Variants in COX15 observed in about 807,000 individuals in gnomAD.
The protein encoded by COX15 is heme A synthase COX15.
Under a neutral mutation model 51.9 loss-of-function variants are expected in COX15, and 51 were observed. The observed-to-expected ratio is 0.98, with a 90% CI of 0.78 to 1.24. The LOEUF (loss-of-function observed/expected upper bound fraction) is 1.24. Ranked by LOEUF, COX15 falls within the 50% of genes most tolerant of loss-of-function variation. The pLI is 0.00. For missense variants in COX15, 420 were observed against 501.1 expected (o/e 0.84, Z 1.55); for synonymous variants, 188 against 190.5 (o/e 0.99, Z 0.11).
rs912947764 is a variant in COX15 at position 99,714,202 on chromosome 10, G to A, written c.*385C>T. 1.9e-6 allele frequency: 2 copies of A among 1,076,472 alleles called. No individual in the cohort carries two copies. The highest frequency in any genetic ancestry group is 3.3e-5 in the African/African-American group (2 of 59,942). The allele number at this position is 1,076,472 out of a possible 1,614,324, so 66.7% of individuals were successfully genotyped here. A position where few individuals can be genotyped will look rare whatever the true frequency, so the allele number is the denominator to read the frequency against. ...CTTCACCTAATGGAAGTGAAGTTAA[G>A]ATCATAAAGAAATTCTATTTAGGCA... On this transcript the variant is annotated 3_prime_UTR_variant, in exon 9 of 9. Transcript: ENST00000016171.
chr10:99,719,226 C>CT lies in COX15; in HGVS notation c.833-727dup, dbSNP rs34624290. On this transcript the variant is annotated intron_variant, in intron 6 of 8. Coordinates refer to ENST00000016171, the MANE Select transcript of COX15 (RefSeq NM_078470.6). ...TTGGGTCACACTCGCTTTTTTCTTT[C>CT]TTTTTTTTTTTGAGACGCAGTCTGG... 1.4e-3 allele frequency among the ~76,000 whole-genome samples: 208 copies of CT among 146,782 alleles called. 1 individual carries two copies. Among genetic ancestry groups the CT allele is most frequent in the African/African-American group, 2.1e-3 (84 of 40,360 alleles).
At chr10:99,708,852 T>C, downstream of COX15, 1 of 985,440 alleles carries the variant, frequency 1.0e-6, no homozygotes. Flanking sequence ...TACAATGAAA[T>C]GCTCATTAAC....
At position 99,713,161 on chromosome 10, in the gene COX15, TTATCA is replaced by T. The variant is rs2036450648; in HGVS notation, c.*1421_*1425del. On this transcript the variant is annotated 3_prime_UTR_variant, in exon 9 of 9. Transcript: ENST00000016171. ...ACCTGAAGTACCACTAATTTTTCTG[TTATCA>T]TATAATAACAACATGAATACTACTT... 7.4e-7 allele frequency: 1 copy of T among 1,346,826 alleles called. No homozygotes were observed. The highest frequency in any genetic ancestry group is 9.6e-7 in the Non-Finnish European group (1 of 1,045,514). The allele number at this position is 1,346,826 out of a possible 1,614,324, so 83.4% of individuals were successfully genotyped here.
At chr10:99,715,392 G>A (rs185412540) in intron 8 of COX15, among the ~76,000 whole-genome samples, 1,588 of 152,216 alleles carry the variant, frequency 0.01, 23 homozygotes, top group African/African-American at 0.035. Context: ...GCCCACCTCG[G>A]CCTCCCAAAG....
At chr10:99,729,879 C>T in intron 1 of COX15, 145 bp from the exon 2 acceptor site, 1 of 837,196 alleles carries the variant, frequency 1.2e-6, no homozygotes, top group Non-Finnish European at 1.9e-6. Flanking sequence ...TGGATTACTG[C>T]ATCAGCCTTC....
In COX15 at chr10:99,729,720, C is replaced by T. The variant is rs2037077705; in HGVS notation, c.105G>A (p.Arg35=). 6.2e-7 allele frequency: 1 copy of T among 1,614,098 alleles called. No homozygotes were observed. The highest frequency in any genetic ancestry group is 8.5e-7 in the Non-Finnish European group (1 of 1,180,026). ...TGTATTGCCCTGGCCTCAAAGGGCGCCTGATGCAATCACACTAAAGATCAA... is the reference window on the plus strand; with the variant it reads ...TGTATTGCCCTGGCCTCAAAGGGCGTCTGATGCAATCACACTAAAGATCAA... ...AAPRAQCDCI[R]RPLRPGQYST... The change falls in exon 2 of 9, where the codon AGG becomes AGA. Residue 35 remains arginine (R), a synonymous_variant. Coordinates refer to ENST00000016171, the MANE Select transcript of COX15 (RefSeq NM_078470.6).
rs577362342 is a variant in COX15 at position 99,731,970 on chromosome 10, G to A, written c.80C>T (p.Pro27Leu). 10 of 1,611,126 alleles carry A rather than the reference G, an allele frequency of 6.2e-6. No homozygotes were observed. The highest frequency in any genetic ancestry group is 1.7e-5 in the Admixed American group (1 of 59,662). The change falls in exon 1 of 9, where the codon CCT becomes CTT. Residue 27 changes from proline to leucine, a missense_variant. By Grantham distance (98) the Pro-to-Leu change is moderately conservative. Coordinates refer to ENST00000016171, the MANE Select transcript of COX15 (RefSeq NM_078470.6). Reference sequence around the variant, plus strand: ...GCTGCAGTGCGGTACCTGTGCTCTAGGCGCTGCCCTAGGAGCCAGGAGCGG... The same window carrying A: ...GCTGCAGTGCGGTACCTGTGCTCTAAGCGCTGCCCTAGGAGCCAGGAGCGG... ...YLPLLAPRAA[P>L]RAQCDCIRRP...
At chr10:99,728,493 T>G (rs1329425626) in intron 2 of COX15, among the ~76,000 whole-genome samples, 1 of 152,234 alleles carries the variant, frequency 6.6e-6, no homozygotes, top group Non-Finnish European at 1.5e-5. Context: ...AAACTATACC[T>G]TGGGATATCC....
intron 7 of COX15, chr10:99,716,714 A>T: frequency 7.6e-6 from 3 of 396,856 alleles, no homozygotes; most frequent in African/African-American, 2.1e-5. Flanking sequence ...ATACACCCTC[A>T]CTCCCAGTGA....
At chr10:99,731,494 C>A (rs908240171) in intron 1 of COX15, among the ~76,000 whole-genome samples, 1 of 152,184 alleles carries the variant, frequency 6.6e-6, no homozygotes, top group African/African-American at 2.4e-5. Context: ...TCCAAAGATC[C>A]ATGCTCGGTT....
Position 99,714,487 on chromosome 10 carries a change from T to C in COX15, c.*100A>G. ...AGTAAGTTGACCATTTGGAAACCAC[T>C]TGGTATGTCAAGGTCATCTCGTAGA... On this transcript the variant is annotated 3_prime_UTR_variant, in exon 9 of 9. Coordinates refer to ENST00000016171, the MANE Select transcript of COX15 (RefSeq NM_078470.6). 6.3e-7 allele frequency: 1 copy of C among 1,594,920 alleles called. No individual in the cohort carries two copies. Among genetic ancestry groups the C allele is most frequent in the Non-Finnish European group, 8.5e-7 (1 of 1,173,150 alleles).
intron 4 of COX15, among the ~76,000 whole-genome samples, chr10:99,725,559 C>A (rs550808712): frequency 4.6e-5 from 7 of 152,156 alleles, no homozygotes; most frequent in East Asian, 1.9e-4. Flanking sequence ...TCCCTTCTTT[C>A]TTTATTTATT....
downstream of COX15, chr10:99,710,383 C>G (rs2036342557): frequency 1.0e-6 from 1 of 985,244 alleles, no homozygotes; most frequent in East Asian, 1.1e-4. Flanking sequence ...ATGTACTCCC[C>G]CTTTATTTCT....
At chr10:99,697,266 A>G in the COX15 span, 1 of 152,498 alleles carries the variant, frequency 6.6e-6, no homozygotes, top group African/African-American at 2.4e-5. Flanking sequence ...TCCTAAATCT[A>G]TACAAACATT....
At chr10:99,698,685 C>T in the COX15 span, 1 of 1,614,136 alleles carries the variant, frequency 6.2e-7, no homozygotes, top group Non-Finnish European at 8.5e-7. Context: ...AATGCTGAGC[C>T]CCCTGCTGGC....
the COX15 span, chr10:99,704,656 C>T: frequency 1.2e-6 from 2 of 1,613,794 alleles, no homozygotes; most frequent in East Asian, 4.5e-5. Flanking sequence ...AGGTGGTGCC[C>T]ATGATGGGAG....
chr10:99,726,439 T>G (rs1244505566), intron 4 of COX15, among the ~76,000 whole-genome samples: 1 of 152,222 alleles, frequency 6.6e-6, no homozygotes, highest in African/African-American at 2.4e-5. Flanking sequence ...GCACTGTTAT[T>G]ATCCCCATTT....
At chr10:99,696,237 A>C in the COX15 span, 16 of 1,265,840 alleles carry the variant, frequency 1.3e-5, no homozygotes, top group African/African-American at 3.0e-5. Context: ...CTTCTTTCTG[A>C]CTACCCCTGC....
chr10:99,720,306 G>A (rs951431664), intron 6 of COX15, among the ~76,000 whole-genome samples: 1 of 152,114 alleles, frequency 6.6e-6, no homozygotes, highest in Non-Finnish European at 1.5e-5. Context: ...TCAGCTGGGC[G>A]TGGTGGTGTG....
Sources: allele counts gnomAD v4.1 joint callset (sites outside exome capture counted in the v4.1 genomes callset), GRCh38; gene constraint gnomAD v4.1.1; transcripts MANE v1.5; gene names NCBI Gene and HGNC (gene_info 2026-07-23, HGNC 2026-07-21).